Variants in USF2 observed in about 807,000 individuals in gnomAD.
USF2 encodes upstream stimulatory factor 2.
Under a neutral mutation model 46.9 loss-of-function variants are expected in USF2, and 16 were observed. The ratio of observed to expected loss-of-function variants is 0.34; its 90% CI spans 0.23 to 0.52. USF2 has a LOEUF of 0.52. Among genes scored for constraint, USF2 ranks in the 20% least tolerant of loss-of-function variants. USF2 has a pLI of 0.96. For synonymous variants in USF2, 239 were observed against 194.1 expected, an observed-to-expected ratio of 1.23 and a Z score of -1.92; for missense variants, 411 against 474.0, an observed-to-expected ratio of 0.87 and a Z score of 1.23.
At position 35,269,546 on chromosome 19, in the gene USF2, G is replaced by C. The variant is rs781213879; in HGVS notation, c.110-35G>C. On this transcript the variant is annotated intron_variant, in intron 2 of 9. Coordinates refer to ENST00000222305, the MANE Select transcript of USF2 (RefSeq NM_003367.4). ...GGGGAGGGCTGGGGGCGCTCGGCGC[G>C]GCCCTGACCGTGCCCCGACCCTCCT... The C allele has an allele frequency of 1.1e-4, 176 of 1,557,906 alleles. 1 individual carries two copies. The highest frequency in any genetic ancestry group is 1.5e-4 in the Non-Finnish European group (172 of 1,153,544).
At chr19:35,278,135 A>ATCT (rs1280372436) in intron 7 of USF2, 1 of 152,676 alleles carries the variant, frequency 6.5e-6, no homozygotes, top group Non-Finnish European at 1.5e-5. Context: ...GCCCTGTGGA[A>ATCT]GGATTTTAAG....
rs1401192928 is a variant in USF2 at position 35,270,712 on chromosome 19, C to T, written c.581-6C>T. 2 of 1,614,152 alleles carry T rather than the reference C, an allele frequency of 1.2e-6. No homozygotes were observed. Among genetic ancestry groups the T allele is most frequent in the Admixed American group, 1.7e-5 (1 of 60,016 alleles). On this transcript the variant is annotated splice_polypyrimidine_tract_variant and splice_region_variant and intron_variant, in intron 5 of 9. Coordinates refer to ENST00000222305, the MANE Select transcript of USF2 (RefSeq NM_003367.4). Reference sequence around the variant, plus strand: ...CCTTGCCACTAACCCCCCACTCTCCCTGCAGGCCAGTTCTACGTCATGATG... The same window carrying T: ...CCTTGCCACTAACCCCCCACTCTCCTTGCAGGCCAGTTCTACGTCATGATG...
chr19:35,278,592 C>T, intron 7 of USF2, 106 bp from the exon 8 acceptor site: 1 of 1,133,460 alleles, frequency 8.8e-7, no homozygotes, highest in East Asian at 2.4e-5. Context: ...CTCGGTGGGG[C>T]CTGCACTGTT....
chr19:35,272,969 C>T (rs1279517883), intron 7 of USF2, among the ~76,000 whole-genome samples: 1 of 151,644 alleles, frequency 6.6e-6, no homozygotes, highest in Non-Finnish European at 1.5e-5. Context: ...GGTGGAAGCA[C>T]AGCCGCCCCG....
chr19:35,270,907 A>C, intron 6 of USF2, 102 bp downstream of exon 6: 1 of 1,494,960 alleles, frequency 6.7e-7, no homozygotes, highest in Non-Finnish European at 9.3e-7. Flanking sequence ...CACATGGTGT[A>C]ATGTTTTTTT....
chr19:35,270,964 TTTG>T, intron 6 of USF2, 116 bp from the exon 7 acceptor site: 1 of 1,472,554 alleles, frequency 6.8e-7, no homozygotes, highest in Non-Finnish European at 9.4e-7. Flanking sequence ...TATCATGTCT[TTTG>T]TTTTTGCAGA....
At chr19:35,270,249 G>C in intron 4 of USF2, 198 bp from the exon 5 acceptor site, 1 of 944,120 alleles carries the variant, frequency 1.1e-6, no homozygotes, top group South Asian at 1.9e-5. Flanking sequence ...AGTGCGAAAC[G>C]GATTTGCTCA....
In USF2 at chr19:35,279,275, A is replaced by AGCCGCC. The variant is rs761432650; in HGVS notation, c.*26_*31dup. 6.1e-6 allele frequency: 9 copies of AGCCGCC among 1,485,390 alleles called. No homozygotes were observed. The African/African-American group carries it at 8.4e-5, about 14-fold the overall frequency. The allele number at this position is 1,485,390 out of a possible 1,614,324, so 92.0% of individuals were successfully genotyped here. On this transcript the variant is annotated 3_prime_UTR_variant, in exon 10 of 10. Coordinates refer to ENST00000222305, the MANE Select transcript of USF2 (RefSeq NM_003367.4). ...GCAGTGACGCCCGCCACCACCACGC[A>AGCCGCC]GCCGCCGCCGCCCACGCCGGCCTCT...
rs770193051 is a variant in USF2 at position 35,271,006 on chromosome 19, A to T, written c.669-77A>T. On this transcript the variant is annotated intron_variant, in intron 6 of 9. Transcript: ENST00000222305. Reference sequence around the variant, plus strand: ...ATTTACCTTGCAAAGATAATTTTCAAATCTAATACTTAGCAGATGCTTGGG... The same window carrying T: ...ATTTACCTTGCAAAGATAATTTTCATATCTAATACTTAGCAGATGCTTGGG... 23 of 1,574,842 alleles carry T rather than the reference A, an allele frequency of 1.5e-5. No homozygotes were observed. The African/African-American group carries it at 2.9e-4, about 20-fold the overall frequency.
intron 7 of USF2, among the ~76,000 whole-genome samples, chr19:35,274,638 C>A (rs2066206784): frequency 6.6e-6 from 1 of 152,168 alleles, no homozygotes; most frequent in Admixed American, 6.5e-5. Context: ...CCTGTCTCTA[C>A]CAAAAAAATT....
chr19:35,279,129 T>G lies in USF2; in HGVS notation c.952-38T>G, dbSNP rs374568509. 3.1e-6 allele frequency: 5 copies of G among 1,612,424 alleles called. No individual in the cohort carries two copies. In the African/African-American group the frequency reaches 6.7e-5, roughly 22 times the overall value. On this transcript the variant is annotated intron_variant, in intron 9 of 9. Transcript: ENST00000222305. The stretch of plus-strand genomic sequence containing the variant: ...CCCAGGAGCCCCAGATGCAAGGCGC[T>G]GGCCCTCAGCTCCCTTGACCTCCGT...
rs1213144774 is a variant in USF2, at chr19:35,270,937, C to T, written c.668+132C>T. 2.8e-6 allele frequency: 4 copies of T among 1,412,576 alleles called. No homozygotes were observed. The East Asian group carries it at 7.0e-5, about 25-fold the overall frequency. The allele number at this position is 1,412,576 out of a possible 1,614,324, so 87.5% of individuals were successfully genotyped here. On this transcript the variant is annotated intron_variant, in intron 6 of 9. Coordinates refer to ENST00000222305, the MANE Select transcript of USF2 (RefSeq NM_003367.4). ...TTTTTTTCTTTGCCTGTTTCTGCTG[C>T]TCTAGTGCACATAAAGTATCATGTC...
chr19:35,269,780 C>T, intron 3 of USF2, 23 bp from the exon 4 acceptor site: 2 of 1,489,448 alleles, frequency 1.3e-6, no homozygotes, highest in East Asian at 2.9e-5. Flanking sequence ...GCGCCGGCCT[C>T]GCCGCTCTGC....
At chr19:35,276,188 C>T (rs1368388407) in intron 7 of USF2, among the ~76,000 whole-genome samples, 2 of 147,976 alleles carry the variant, frequency 1.4e-5, no homozygotes, top group African/African-American at 2.5e-5. Context: ...TCTCGTGCTT[C>T]AGCCTCCCAA....
chr19:35,270,647 A>T lies in USF2; in HGVS notation c.580+50A>T, dbSNP rs1287576389. 3 of 1,611,702 alleles carry T rather than the reference A, an allele frequency of 1.9e-6. No homozygotes were observed. The South Asian group carries it at 3.3e-5, about 18-fold the overall frequency. ...AGGTGGGGGAGGCAACGGGCCCAGC[A>T]GGGAGGGAAGCCCCCCCAGCCAGTT... is the stretch of plus-strand genomic sequence containing the variant. On this transcript the variant is annotated intron_variant, in intron 5 of 9. Transcript: ENST00000222305.
At chr19:35,269,720 G>A in intron 3 of USF2, 21 bp downstream of exon 3, 1 of 1,148,602 alleles carries the variant, frequency 8.7e-7, no homozygotes, top group Non-Finnish European at 1.2e-6. Context: ...GGCCGCGAGG[G>A]CGAACGGGCG....
At chr19:35,269,288 C>CG (rs1386091731) in intron 1 of USF2, 125 bp downstream of exon 1, 12 of 890,018 alleles carry the variant, frequency 1.3e-5, no homozygotes, top group South Asian at 9.9e-5. Flanking sequence ...GCCGCCGGCG[C>CG]GGGGGGGACC....
intron 7 of USF2, chr19:35,277,665 C>T (rs1361012565): frequency 6.6e-6 from 1 of 152,284 alleles, no homozygotes. Context: ...AGCTATAGGG[C>T]TTCGTTCCCC....
At chr19:35,278,838 A>G in intron 8 of USF2, 46 bp downstream of exon 8, 2 of 1,610,618 alleles carry the variant, frequency 1.2e-6, no homozygotes, top group Non-Finnish European at 1.7e-6. Context: ...CCGGCCCCCG[A>G]CCCTTGCATG....
Sources: gnomAD v4.1 joint callset for allele counts (sites outside exome capture counted in the v4.1 genomes callset) on GRCh38, gnomAD v4.1.1 for gene constraint, MANE v1.5 for transcripts, NCBI Gene and HGNC (gene_info 2026-07-23, HGNC 2026-07-21) for gene names.